Variants in ZNF318 observed in about 807,000 individuals in gnomAD.
ZNF318 encodes endocrine regulator.
A neutral mutation model predicts 124.2 loss-of-function variants in ZNF318; 51 were observed. The observed-to-expected ratio is 0.41, with a 90% CI of 0.33 to 0.52. The LOEUF (loss-of-function observed/expected upper bound fraction) is 0.52. Ranked by LOEUF, ZNF318 falls within the 20% of genes least tolerant of loss-of-function variation. The pLI is 0.23. For synonymous variants in ZNF318, 1,090 were observed against 1,040.7 expected, an observed-to-expected ratio of 1.05 and a Z score of -0.91; for missense variants, 2,815 against 2,811.2, an observed-to-expected ratio of 1.00 and a Z score of -0.03.
chr6:43,368,046 G>A (rs60741049), intron 1 of ZNF318, among the ~76,000 whole-genome samples: 161 of 152,252 alleles, frequency 1.1e-3, no homozygotes, highest in African/African-American at 3.6e-3. Flanking sequence ...ATAATAAAAA[G>A]ATTGATGAAC....
chr6:43,347,028 A>G (rs571159148), intron 6 of ZNF318, among the ~76,000 whole-genome samples: 1 of 152,212 alleles, frequency 6.6e-6, no homozygotes, highest in Non-Finnish European at 1.5e-5. Context: ...ACAAGATATT[A>G]TGGGAGTGTA....
chr6:43,362,397 G>C, intron 2 of ZNF318, among the ~76,000 whole-genome samples: 1 of 151,198 alleles, frequency 6.6e-6, no homozygotes, highest in Non-Finnish European at 1.5e-5. Context: ...AGGTTGCAGT[G>C]AGCCGAGATT....
intron 5 of ZNF318, among the ~76,000 whole-genome samples, chr6:43,350,631 C>T (rs1277770399): frequency 2.0e-5 from 3 of 151,820 alleles, no homozygotes; most frequent in South Asian, 2.1e-4. Context: ...TGAGACCAGC[C>T]TTGGCAACAT....
intron 1 of ZNF318, chr6:43,368,727 G>A (rs114463956): frequency 6.2e-5 from 61 of 985,474 alleles, no homozygotes; most frequent in Admixed American, 1.2e-4. Context: ...GAGAGAAACA[G>A]CCTATTCCTA....
rs746609359 is a variant in ZNF318 at position 43,342,249 on chromosome 6, TA to T, written c.3277-39del. ...GGCAGAGGTGCTCACACAACAGCAC[TA>T]AAAGCTCAATGACCCACTTTTCTCT... On this transcript the variant is annotated intron_variant, in intron 7 of 9. Transcript: ENST00000361428. 1.9e-5 allele frequency: 28 copies of T among 1,510,264 alleles called. No individual in the cohort carries two copies. The African/African-American group carries it at 3.6e-4, about 20-fold the overall frequency. The allele number at this position is 1,510,264 out of a possible 1,614,324, so 93.6% of individuals were successfully genotyped here. A position where few individuals can be genotyped will look rare whatever the true frequency, so the allele number is the denominator to read the frequency against.
Position 43,342,109 on chromosome 6 carries a change from T to C in ZNF318, c.3376+3A>G, listed in dbSNP as rs1562129289. The C allele has an allele frequency of 1.9e-6, 3 of 1,614,040 alleles. No homozygotes were observed. The highest frequency in any genetic ancestry group is 2.5e-6 in the Non-Finnish European group (3 of 1,179,896). On this transcript the variant is annotated splice_donor_region_variant and intron_variant, in intron 8 of 9. Coordinates refer to ENST00000361428, the MANE Select transcript of ZNF318 (RefSeq NM_014345.3). Reference sequence around the variant, plus strand: ...CCACAAAGGTGGCAAAAAGGAAACATACCTTTTGCAGGAACAGTTATCTTG... The same window carrying C: ...CCACAAAGGTGGCAAAAAGGAAACACACCTTTTGCAGGAACAGTTATCTTG...
At position 43,354,877 on chromosome 6, in the gene ZNF318, G is replaced by A. The variant is rs1179321527; in HGVS notation, c.2457C>T (p.His819=). ...CTTGTTTGGTTATTGGCATTATCCT[G>A]TGTGGTTCAGGTACAGGGTGGTTTG... ...QPSNHPVPEP[H]RIMPITKQAT... The change falls in exon 4 of 10, where the codon CAC becomes CAT. Residue 819 remains histidine (H), a synonymous_variant. Coordinates refer to ENST00000361428, the MANE Select transcript of ZNF318 (RefSeq NM_014345.3). The A allele has an allele frequency of 1.9e-6, 3 of 1,614,186 alleles. No individual in the cohort carries two copies. Among genetic ancestry groups the A allele is most frequent in the Non-Finnish European group, 2.5e-6 (3 of 1,180,006 alleles).
rs200041436 is a variant in ZNF318 at position 43,340,292 on chromosome 6, G to C, written c.3706C>G (p.Gln1236Glu). Residue 1236 changes from glutamine to glutamate, a missense_variant, in exon 10 of 10, where the codon CAA (glutamine) becomes GAA (glutamate). By Grantham distance (29) the Gln-to-Glu change is conservative. This residue lies in a region of ZNF318 where 500 missense variants were observed against 605.2 expected (regional missense o/e 0.83). Coordinates refer to ENST00000361428, the MANE Select transcript of ZNF318 (RefSeq NM_014345.3). ...DDKVSEKLED[Q>E]LSEGRNSPEK... ...GGGGAGTTCCTACCCTCAGAGAGTT[G>C]GTCTTCTAATTTCTCAGAGACCTTG... 7.4e-6 allele frequency: 12 copies of C among 1,613,738 alleles called. No individual in the cohort carries two copies. The highest frequency in any genetic ancestry group is 8.5e-6 in the Non-Finnish European group (10 of 1,179,992).
chr6:43,344,047 C>T (rs888341464), intron 6 of ZNF318, among the ~76,000 whole-genome samples: 3 of 152,068 alleles, frequency 2.0e-5, no homozygotes, highest in African/African-American at 7.2e-5. Context: ...CAGAGGCTCA[C>T]TATGAATGGG....
At position 43,369,135 on chromosome 6, in the gene ZNF318, G is replaced by A; in HGVS notation, c.231C>T (p.Arg77=). Residue 77 remains arginine, a synonymous_variant, in exon 1 of 10, where the codon CGC becomes CGT. Transcript: ENST00000361428. The stretch of plus-strand genomic sequence containing the variant: ...GGGCCCGAGGCGGGGACGGGGAGAC[G>A]CGACGACCCCGTGGCGGGGACGGCG... ...RASPSPPRGR[R]VSPSPPRARR... The A allele has an allele frequency of 6.5e-6, 8 of 1,229,002 alleles. No individual in the cohort carries two copies. The highest frequency in any genetic ancestry group is 7.1e-6 in the Non-Finnish European group (7 of 986,150). 76.1% of individuals were successfully genotyped at this position (1,229,002 alleles called of 1,614,324 possible).
intron 2 of ZNF318, among the ~76,000 whole-genome samples, chr6:43,362,781 G>GGTATGA (rs1340881919): frequency 6.6e-6 from 1 of 152,098 alleles, no homozygotes; most frequent in Admixed American, 6.5e-5. Context: ...TGGGATTACA[G>GGTATGA]GTATGAGCCA....
Position 43,342,653 on chromosome 6 carries a change from A to G in ZNF318, c.3276+23T>C, listed in dbSNP as rs1305827408. The G allele has an allele frequency of 1.9e-6, 3 of 1,612,426 alleles. No homozygotes were observed. In the African/African-American group the frequency reaches 4.0e-5, roughly 22 times the overall value. On this transcript the variant is annotated intron_variant, in intron 7 of 9. Coordinates refer to ENST00000361428, the MANE Select transcript of ZNF318 (RefSeq NM_014345.3). ...GAAGAGAGTGAGGGTGGGAGTGAAA[A>G]TAACAGAGAGTAGGATACCAACCTG...
intron 6 of ZNF318, among the ~76,000 whole-genome samples, chr6:43,345,245 CAAAA>C (rs35628286): frequency 8.2e-6 from 1 of 122,024 alleles, no homozygotes; most frequent in Non-Finnish European, 1.7e-5. Context: ...GACCCTGTCT[CAAAA>C]AAAAAAAAAA....
intron 2 of ZNF318, among the ~76,000 whole-genome samples, chr6:43,358,627 G>A (rs918094998): frequency 6.6e-6 from 1 of 152,006 alleles, no homozygotes; most frequent in Non-Finnish European, 1.5e-5. Flanking sequence ...GATCTCGGCT[G>A]ACTGCAACCT....
At chr6:43,346,524 CAAAAAA>C (rs59587962) in intron 6 of ZNF318, among the ~76,000 whole-genome samples, 3 of 104,550 alleles carry the variant, frequency 2.9e-5, no homozygotes, top group African/African-American at 3.5e-5. Flanking sequence ...CATCTTTAAC[CAAAAAA>C]AAAAAAAAAA....
intron 2 of ZNF318, chr6:43,363,804 C>T (rs1023018419): frequency 3.9e-5 from 33 of 855,206 alleles, no homozygotes; most frequent in Admixed American, 8.1e-5. Flanking sequence ...TTGTTGCCAT[C>T]GGGGACTACA....
rs1434883586 is a variant in ZNF318 at position 43,357,127 on chromosome 6, T to C, written c.1187A>G (p.Gln396Arg). Residue 396 changes from glutamine (Q) to arginine (R), a missense_variant and splice_region_variant, in exon 3 of 10, where the codon CAG becomes CGG. Gln to Arg is a conservative substitution (Grantham distance 43, BLOSUM62 1). This residue lies in a region of ZNF318 where 1,377 missense variants were observed against 1,353.5 expected (regional missense o/e 1.02). Coordinates refer to ENST00000361428, the MANE Select transcript of ZNF318 (RefSeq NM_014345.3). ...IEVDIMEPSM[Q>R]LESFSSSTSS... The stretch of plus-strand genomic sequence containing the variant: ...CCCTACAAGAAATGCAGCAGAGACC[T>C]GCATGGAGGGCTCCATTATGTCCAC... 6.2e-7 allele frequency: 1 copy of C among 1,607,902 alleles called. No individual in the cohort carries two copies. The highest frequency in any genetic ancestry group is 8.5e-7 in the Non-Finnish European group (1 of 1,176,744).
Position 43,354,930 on chromosome 6 carries a change from A to T in ZNF318, c.2404T>A (p.Trp802Arg). The T allele has an allele frequency of 3.7e-6, 6 of 1,611,098 alleles. No homozygotes were observed. The highest frequency in any genetic ancestry group is 5.1e-6 in the Non-Finnish European group (6 of 1,178,028). Reference protein sequence around the residue: ...RHYMAYAASRWPMYPTSQPSN... With the variant: ...RHYMAYAASRRPMYPTSQPSN... Reference sequence around the variant, plus strand: ...GGTTGAGAGGTGGGATACATGGGCCATCTGGAGGCTGCATATGCCATGTAG... The same window carrying T: ...GGTTGAGAGGTGGGATACATGGGCCTTCTGGAGGCTGCATATGCCATGTAG... The change falls in exon 4 of 10, where the codon TGG (tryptophan) becomes AGG (arginine). Residue 802 changes from tryptophan (W) to arginine (R), a missense_variant. Coordinates refer to ENST00000361428, the MANE Select transcript of ZNF318 (RefSeq NM_014345.3).
rs778388699 is a variant in ZNF318 at position 43,339,861 on chromosome 6, A to T, written c.4137T>A (p.Ile1379=). The change falls in exon 10 of 10, where the codon ATT becomes ATA. Residue 1379 remains isoleucine, a synonymous_variant. Transcript: ENST00000361428. This position sits in a 1 kb window ranked among gnomAD's most constrained non-coding sequence, Gnocchi z 4.2. ...GTTTAGCAGTGGTTCCAGAGGACTT[A>T]ATAGACAGAAAGGTGTTAAGAGGAG... ...KPAPLNTFLS[I]KSSGTTAKPL... 2.5e-6 allele frequency: 4 copies of T among 1,614,174 alleles called. No homozygotes were observed. Among genetic ancestry groups the T allele is most frequent in the African/African-American group, 1.3e-5 (1 of 75,040 alleles).
Sources: gnomAD v4.1 joint callset for allele counts (sites outside exome capture counted in the v4.1 genomes callset) on GRCh38, gnomAD v4.1.1 for gene constraint, gnomAD v4.1.1 regional missense constraint, Gnocchi (gnomAD v3.1) non-coding constraint, MANE v1.5 for transcripts, NCBI Gene and HGNC (gene_info 2026-07-23, HGNC 2026-07-21) for gene names.